The following TPM4 variants were observed in gnomAD, a reference collection of about 807,000 sequenced individuals.
The protein encoded by TPM4 is tropomyosin alpha-4 chain.
Under a neutral mutation model 35.8 loss-of-function variants are expected in TPM4, and 17 were observed. That is an observed-to-expected ratio of 0.47 (90% CI 0.32 to 0.71). The LOEUF is 0.71. TPM4 is among the 30% of genes least tolerant of loss of function. The probability of loss-of-function intolerance (pLI) is 0.03; values close to 1 mark genes in which losing one functional copy is unlikely to be tolerated. For missense variants in TPM4, 240 were observed against 320.9 expected (o/e 0.75, Z 1.93); for synonymous variants, 120 against 122.9 (o/e 0.98, Z 0.15).
chr19:16,076,581 TC>T lies in TPM4; in HGVS notation c.19del (p.Leu7TrpfsTer4). 6.8e-7 allele frequency: 1 copy of T among 1,465,718 alleles called. No homozygotes were observed. The allele number at this position is 1,465,718 out of a possible 1,614,324, so 90.8% of individuals were successfully genotyped here. A position where few individuals can be genotyped will look rare whatever the true frequency, so the allele number is the denominator to read the frequency against. Reference protein sequence around the residue: MAGLNSLEAVKRKIQA... With the variant: MAGLNXLEAVKRKIQA... ...CCTCCGCGCCATGGCCGGCCTCAACTCCCTGGAGGCGGTGAAACGCAAGATC... is the reference window on the plus strand; with the variant it reads ...CCTCCGCGCCATGGCCGGCCTCAACTCCTGGAGGCGGTGAAACGCAAGATC... On this transcript the variant is annotated frameshift_variant, in exon 1 of 8. Coordinates refer to ENST00000643579, the MANE Select transcript of TPM4 (RefSeq NM_003290.3). LOFTEE classifies it high-confidence loss of function.
At chr19:16,095,171 C>G (rs1248217268) in intron 7 of TPM4, 1 of 825,870 alleles carries the variant, frequency 1.2e-6, no homozygotes, top group South Asian at 5.6e-5. Context: ...TTTTTTTCTT[C>G]CTCTTGTGGT....
Position 16,090,312 on chromosome 19 carries a change from C to T in TPM4, c.531+1192C>T, listed in dbSNP as rs535824580. ...TTTTTTTTTTTTTTTTTATAGAGCA[C>T]AGTCTATGTTGCCTAGGCTGGTCTT... is the stretch of plus-strand genomic sequence containing the variant. On this transcript the variant is annotated intron_variant, in intron 5 of 7. Transcript: ENST00000643579. 7.7e-4 allele frequency among the ~76,000 whole-genome samples: 114 copies of T among 148,036 alleles called. 1 individual carries two copies. The highest frequency in any genetic ancestry group is 2.7e-3 in the African/African-American group (108 of 39,660).
At chr19:16,085,539 C>A (rs1256835108) in intron 2 of TPM4, among the ~76,000 whole-genome samples, 1 of 152,086 alleles carries the variant, frequency 6.6e-6, no homozygotes, top group Non-Finnish European at 1.5e-5. Context: ...GCACTCCAAC[C>A]TGGGCAACAG....
chr19:16,076,455 C>G, upstream of TPM4: 3 of 1,335,792 alleles, frequency 2.2e-6, no homozygotes, highest in African/African-American at 3.1e-5. Flanking sequence ...GCGGGGGCGG[C>G]CCCCGCGCAG....
At chr19:16,087,009 C>T (rs981537304) in intron 3 of TPM4, among the ~76,000 whole-genome samples, 5 of 152,110 alleles carry the variant, frequency 3.3e-5, no homozygotes, top group African/African-American at 7.2e-5. Context: ...AGGCCAGGCG[C>T]GGTGGCTCGT....
chr19:16,097,101 G>A (rs1416644688), intron 7 of TPM4, among the ~76,000 whole-genome samples: 11 of 149,944 alleles, frequency 7.3e-5, no homozygotes, highest in Admixed American at 6.7e-5. Context: ...TTACAGTCGC[G>A]GACCACCACA....
chr19:16,083,673 C>G (rs1487488965), intron 2 of TPM4, among the ~76,000 whole-genome samples: 1 of 144,518 alleles, frequency 6.9e-6, no homozygotes, highest in African/African-American at 2.9e-5. Flanking sequence ...GTGATCATCG[C>G]GTCTGCCCCT....
In TPM4 at chr19:16,067,761, G is replaced by T. The variant is rs1167196138; in HGVS notation, c.114+23G>T. ...CAGGTGAGGTGCCCTCCGCTGGGCC[G>T]CTCCGGGCTGCTGGGAGTCCTCTCT... On this transcript the variant is annotated intron_variant, in intron 2 of 2. Transcript: ENST00000589897. The surrounding 1 kb of genome is among the most constrained non-coding windows in gnomAD (Gnocchi z 4.1). 3 of 1,601,976 alleles carry T rather than the reference G, an allele frequency of 1.9e-6. No homozygotes were observed. Among genetic ancestry groups the T allele is most frequent in the Admixed American group, 1.7e-5 (1 of 58,288 alleles).
At chr19:16,096,204 C>T (rs2090694094) in intron 7 of TPM4, among the ~76,000 whole-genome samples, 1 of 152,166 alleles carries the variant, frequency 6.6e-6, no homozygotes, top group South Asian at 2.1e-4. Flanking sequence ...GCAGGGATTA[C>T]AGGCTTGAGC....
chr19:16,081,382 G>T, intron 1 of TPM4: 2 of 253,468 alleles, frequency 7.9e-6, no homozygotes, highest in Non-Finnish European at 7.3e-6. Context: ...TACCCATCTT[G>T]TACTGGGACA....
chr19:16,069,600 ATG>A (rs2090334991), intron 2 of TPM4, among the ~76,000 whole-genome samples: 1 of 82,262 alleles, frequency 1.2e-5, no homozygotes, highest in African/African-American at 4.7e-5. Context: ...GTGTGGATGA[ATG>A]TGTGTTTCTG....
intron 7 of TPM4, among the ~76,000 whole-genome samples, chr19:16,098,881 C>T (rs1004307158): frequency 4.6e-5 from 7 of 152,124 alleles, no homozygotes; most frequent in South Asian, 2.1e-4. Flanking sequence ...ACCATGCCAA[C>T]GTGAACAAGC....
At chr19:16,095,927 T>C (rs1458364079) in intron 7 of TPM4, 3 of 132,978 alleles carry the variant, frequency 2.3e-5, no homozygotes, top group Non-Finnish European at 3.2e-5. Context: ...ATTTTTGTAC[T>C]TTTTTTTTTT....
At chr19:16,092,187 A>G (rs868541656) in intron 5 of TPM4, among the ~76,000 whole-genome samples, 3 of 151,854 alleles carry the variant, frequency 2.0e-5, no homozygotes, top group Admixed American at 6.6e-5. Context: ...GAAAAAAAAA[A>G]AAAAGAAAAG....
chr19:16,102,220 T>C lies in TPM4; in HGVS notation c.*874T>C, dbSNP rs1410142282. On this transcript the variant is annotated 3_prime_UTR_variant, in exon 8 of 8. Transcript: ENST00000643579. ...AAATTATGGTGACGCCTGCCTGTAG[T>C]CCCAGCTACTCGGGAGGCTGAGGCA... 1.1e-5 allele frequency: 2 copies of C among 186,614 alleles called. No individual in the cohort carries two copies. Among genetic ancestry groups the C allele is most frequent in the Non-Finnish European group, 2.3e-5 (2 of 88,460 alleles). 11.6% of individuals were successfully genotyped at this position (186,614 alleles called of 1,614,324 possible). A position where few individuals can be genotyped will look rare whatever the true frequency, so the allele number is the denominator to read the frequency against.
chr19:16,076,291 G>A, upstream of TPM4: 1 of 1,519,452 alleles, frequency 6.6e-7, no homozygotes, highest in South Asian at 1.3e-5. Flanking sequence ...GCGCCTCCCA[G>A]CGCTTTCTCC....
At chr19:16,087,477 T>A (rs1375549096) in intron 3 of TPM4, among the ~76,000 whole-genome samples, 1 of 152,176 alleles carries the variant, frequency 6.6e-6, no homozygotes, top group East Asian at 1.9e-4. Context: ...TTTGGAAGGC[T>A]GAGACAGGAG....
chr19:16,088,687 G>A, intron 4 of TPM4: 1 of 1,059,104 alleles, frequency 9.4e-7, no homozygotes, highest in South Asian at 3.2e-5. Context: ...AACTCCCATT[G>A]CTCTCTGCCC....
chr19:16,067,670 G>T lies in TPM4; in HGVS notation c.46G>T (p.Glu16Ter). The T allele has an allele frequency of 6.2e-7, 1 of 1,613,754 alleles. No homozygotes were observed. Among genetic ancestry groups the T allele is most frequent in the South Asian group, 1.1e-5 (1 of 91,024 alleles). The change falls in exon 2 of 3, where the codon GAG becomes TAG. Residue 16 changes from glutamate (E) to a stop codon, truncating the protein, a stop_gained. Transcript: ENST00000589897. LOFTEE classifies it high-confidence loss of function. The surrounding 1 kb of genome is among the most constrained non-coding windows in gnomAD (Gnocchi z 4.1). The stretch of plus-strand genomic sequence containing the variant: ...AATGCAGATGCTGAAGTTGGACAAG[G>T]AGAATGCCATCGACCGCGCGGAGCA...
Sources: allele counts gnomAD v4.1 joint callset (sites outside exome capture counted in the v4.1 genomes callset), GRCh38; gene constraint gnomAD v4.1.1; non-coding constraint Gnocchi (gnomAD v3.1); transcripts MANE v1.5; gene names NCBI Gene and HGNC (gene_info 2026-07-23, HGNC 2026-07-21).